Variants in TG observed in about 807,000 individuals in gnomAD.
The protein encoded by TG is thyroglobulin, also known as thyroid hormones.
A neutral mutation model predicts 324.7 loss-of-function variants in TG; 270 were observed. The ratio of observed to expected loss-of-function variants is 0.83; its 90% CI spans 0.75 to 0.92. The LOEUF is 0.92. Among genes scored for constraint, TG ranks in the 40% least tolerant of loss-of-function variants. The pLI, the probability that TG is intolerant of heterozygous loss-of-function variation, is 0.00. For missense variants in TG, 3,591 were observed against 3,456.4 expected (o/e 1.04, Z -0.98); for synonymous variants, 1,401 against 1,327.0 (o/e 1.06, Z -1.21).
At chr8:132,969,429 T>C (rs1829144803) in intron 31 of TG, 29 bp from the exon 32 acceptor site, 2 of 1,456,236 alleles carry the variant, frequency 1.4e-6, no homozygotes, top group South Asian at 1.1e-5. Context: ...AATCTCTAAG[T>C]AATGTATTTT....
intron 45 of TG, among the ~76,000 whole-genome samples, chr8:133,127,893 T>C (rs1851640769): frequency 6.6e-6 from 1 of 152,038 alleles, no homozygotes; most frequent in Non-Finnish European, 1.5e-5. Flanking sequence ...AAGTGCTGAG[T>C]CGCTACCCAC....
chr8:133,039,924 G>A, intron 41 of TG: 2 of 1,515,618 alleles, frequency 1.3e-6, no homozygotes, highest in Admixed American at 2.0e-5. Context: ...ACACCGTTTT[G>A]TGCTCACATG....
At chr8:133,080,731 C>T (rs1422993467) in intron 41 of TG, among the ~76,000 whole-genome samples, 2 of 152,214 alleles carry the variant, frequency 1.3e-5, no homozygotes, top group Non-Finnish European at 2.9e-5. Flanking sequence ...TAGGAACTCC[C>T]CTACCACTGT....
chr8:132,981,261 G>T (rs914587267), intron 34 of TG, among the ~76,000 whole-genome samples: 2 of 152,332 alleles, frequency 1.3e-5, no homozygotes, highest in African/African-American at 4.8e-5. Context: ...TGTAGCTCAC[G>T]CCACCATTCT....
chr8:133,130,292 C>T (rs1851841908), intron 45 of TG, among the ~76,000 whole-genome samples: 1 of 152,340 alleles, frequency 6.6e-6, no homozygotes, highest in Non-Finnish European at 1.5e-5. Flanking sequence ...ATTGTAGTAA[C>T]AGTTATACCC....
intron 38 of TG, among the ~76,000 whole-genome samples, chr8:133,019,396 G>C (rs1026742297): frequency 6.6e-6 from 1 of 152,230 alleles, no homozygotes; most frequent in Admixed American, 6.5e-5. Context: ...CCACAGGCCA[G>C]TGGCCAGAGA....
At chr8:133,067,500 A>G (rs1035985307) in intron 41 of TG, among the ~76,000 whole-genome samples, 5 of 152,066 alleles carry the variant, frequency 3.3e-5, no homozygotes, top group Non-Finnish European at 7.4e-5. Flanking sequence ...CCTCTTACCT[A>G]AGATATTTCA....
chr8:132,963,670 AGTGTGTGTGTGT>A (rs57531255), intron 29 of TG, among the ~76,000 whole-genome samples: 8 of 145,080 alleles, frequency 5.5e-5, no homozygotes, highest in Non-Finnish European at 4.5e-5. Flanking sequence ...TGTGGTCTGC[AGTGTGTGTGTGT>A]GTGTGTGTGT....
chr8:133,015,015 G>A (rs1482244585), intron 37 of TG, among the ~76,000 whole-genome samples: 1 of 152,154 alleles, frequency 6.6e-6, no homozygotes, highest in East Asian at 1.9e-4. Flanking sequence ...TGGGAATACA[G>A]GTGCATGCCA....
At chr8:132,999,730 A>G (rs73708812) in intron 35 of TG, among the ~76,000 whole-genome samples, 2,589 of 152,306 alleles carry the variant, frequency 0.017, 53 homozygotes, top group African/African-American at 0.057. Flanking sequence ...TGAGGCCTAC[A>G]ATATTTACTA....
At chr8:133,050,759 C>T in intron 41 of TG, 1 of 1,162,768 alleles carries the variant, frequency 8.6e-7, no homozygotes, top group East Asian at 2.3e-5. Flanking sequence ...ATACTTTTCT[C>T]CCAAACCAAG....
At chr8:132,964,726 C>A in intron 29 of TG, 1 of 590,278 alleles carries the variant, frequency 1.7e-6, no homozygotes, top group South Asian at 2.1e-5. Context: ...TCCAACCAGA[C>A]ATTTTTGAGC....
At position 132,919,448 on chromosome 8, in the gene TG, A is replaced by G. The variant is rs753055209; in HGVS notation, c.4451A>G (p.Gln1484Arg). ...IPCPVGFYQEQAGSLACVPCP... is the reference protein window; with the variant it reads ...IPCPVGFYQERAGSLACVPCP... ...TGTCCTGTTGGATTCTACCAAGAAC[A>G]GGCAGGGAGCTTGGCCTGTGTCCCA... Residue 1484 changes from glutamine (Q) to arginine (R), a missense_variant, in exon 21 of 48, where the codon CAG becomes CGG. By Grantham distance (43) the Gln-to-Arg change is conservative (BLOSUM62 1). Transcript: ENST00000220616. The G allele has an allele frequency of 9.3e-6, 15 of 1,614,048 alleles. No homozygotes were observed. Among genetic ancestry groups the G allele is most frequent in the Admixed American group, 3.3e-5 (2 of 60,006 alleles).
rs576352601 is a variant in TG, at chr8:133,063,944, G to A, written c.7240-31100G>A. Among the ~76,000 whole-genome samples, 9 of 152,358 alleles carry A rather than the reference G, an allele frequency of 5.9e-5. No individual in the cohort carries two copies. In the South Asian group the frequency reaches 1.9e-3, roughly 32 times the overall value. ...TGACAATTTTATGCAGTGGCTGAAG[G>A]TGGGAGAGAGGGTACCGGAGACATA... On this transcript the variant is annotated intron_variant, in intron 41 of 47. Transcript: ENST00000220616.
chr8:133,125,550 T>G (rs1337999417), intron 45 of TG, among the ~76,000 whole-genome samples: 1 of 152,198 alleles, frequency 6.6e-6, no homozygotes, highest in Non-Finnish European at 1.5e-5. Context: ...GAATCCAATT[T>G]GGAGATCAGC....
At chr8:133,023,934 G>A (rs1272925143) in intron 40 of TG, among the ~76,000 whole-genome samples, 1 of 152,224 alleles carries the variant, frequency 6.6e-6, no homozygotes, top group Non-Finnish European at 1.5e-5. Flanking sequence ...TTCCTGATGT[G>A]CACCAAGCCT....
chr8:132,967,681 C>T, intron 30 of TG, 113 bp from the exon 31 acceptor site: 2 of 1,212,174 alleles, frequency 1.6e-6, no homozygotes, highest in Non-Finnish European at 2.4e-6. Context: ...AGGCCTCTGC[C>T]CTAACTAGGA....
At chr8:132,878,559 A>G (rs180215) in intron 5 of TG, among the ~76,000 whole-genome samples, 149,064 of 150,420 alleles carry the variant, frequency 0.99, 73,865 homozygotes, top group East Asian at 1. Context: ...CACTTGAGCC[A>G]AGATCGCACC....
chr8:133,085,981 A>G (rs1846488418), intron 41 of TG, among the ~76,000 whole-genome samples: 1 of 152,266 alleles, frequency 6.6e-6, no homozygotes, highest in South Asian at 2.1e-4. Flanking sequence ...AATGTTTACC[A>G]GCCAATGAGT....
Sources: gnomAD v4.1 joint callset for allele counts (sites outside exome capture counted in the v4.1 genomes callset) on GRCh38, gnomAD v4.1.1 for gene constraint, MANE v1.5 for transcripts, NCBI Gene and HGNC (gene_info 2026-07-23, HGNC 2026-07-21) for gene names.